The following PLXNA4 variants were observed in gnomAD, a reference collection of about 807,000 sequenced individuals.
PLXNA4 encodes the protein plexin-A4.
PLXNA4 carries 44 observed loss-of-function variants against 191.8 expected under a neutral mutation model. The observed-to-expected ratio is 0.23, with a 90% CI of 0.18 to 0.29. The LOEUF is 0.29. PLXNA4 is among the 10% of genes least tolerant of loss of function. The pLI, the probability that PLXNA4 is intolerant of heterozygous loss-of-function variation, is 1.00. For synonymous variants in PLXNA4, 1,082 were observed against 1,009.5 expected, an observed-to-expected ratio of 1.07 and a Z score of -1.36; for missense variants, 1,800 against 2,488.8, an observed-to-expected ratio of 0.72 and a Z score of 5.89.
chr7:132,480,081 G>T (rs1370408337), intron 3 of PLXNA4, among the ~76,000 whole-genome samples: 1 of 152,170 alleles, frequency 6.6e-6, no homozygotes, highest in Non-Finnish European at 1.5e-5. Flanking sequence ...TAAAGAAATA[G>T]CAAAGCCAAC....
intron 3 of PLXNA4, among the ~76,000 whole-genome samples, chr7:132,399,899 C>T (rs199729561): frequency 6.6e-6 from 1 of 151,986 alleles, no homozygotes; most frequent in African/African-American, 2.4e-5. Context: ...TTGACAAATG[C>T]CTTCACCTGT....
intron 1 of PLXNA4, among the ~76,000 whole-genome samples, chr7:132,561,476 T>C (rs1190738532): frequency 1.7e-5 from 2 of 117,074 alleles, no homozygotes; most frequent in African/African-American, 3.4e-5. Flanking sequence ...TCCTCCTCCT[T>C]CTTCTCCTCC....
chr7:132,571,460 G>A (rs755379415), intron 1 of PLXNA4, among the ~76,000 whole-genome samples: 5 of 152,106 alleles, frequency 3.3e-5, no homozygotes, highest in Non-Finnish European at 5.9e-5. Flanking sequence ...ATGTCCCTAG[G>A]CACTGATTTC....
At chr7:132,587,250 G>A (rs1173926000) in intron 2 of PLXNA4, among the ~76,000 whole-genome samples, 2 of 152,308 alleles carry the variant, frequency 1.3e-5, no homozygotes, top group East Asian at 1.9e-4. Flanking sequence ...GAACATAACA[G>A]CTTCAAATAT....
rs755712537 is a variant in PLXNA4 at position 132,194,095 on chromosome 7, G to A, written c.2823C>T (p.Phe941=). The A allele has an allele frequency of 6.2e-7, 1 of 1,614,068 alleles. No homozygotes were observed. ...EICVAVCRPE[F]MARSSQLYYF... is the part of the protein sequence containing the mutation. ...AATAGAGCTGTGAGGACCGGGCCAT[G>A]AATTCAGGCCGACACACAGCCACGC... is the stretch of plus-strand genomic sequence containing the variant. The change falls in exon 14 of 32, where the codon TTC becomes TTT. Residue 941 remains phenylalanine (F), a synonymous_variant. Transcript: ENST00000321063.
chr7:132,418,835 A>G (rs1394633369), intron 3 of PLXNA4, among the ~76,000 whole-genome samples: 1 of 152,220 alleles, frequency 6.6e-6, no homozygotes, highest in Non-Finnish European at 1.5e-5. Context: ...CCCATCCTCT[A>G]CAGATTCTTC....
intron 2 of PLXNA4, among the ~76,000 whole-genome samples, chr7:132,638,302 T>C (rs900847849): frequency 1.3e-5 from 2 of 152,204 alleles, no homozygotes; most frequent in Non-Finnish European, 2.9e-5. Context: ...ATAGCGGGTT[T>C]AGGCCTAGGA....
chr7:132,627,608 G>A (rs151138517), intron 2 of PLXNA4, among the ~76,000 whole-genome samples: 240 of 152,294 alleles, frequency 1.6e-3, no homozygotes, highest in African/African-American at 5.5e-3. Flanking sequence ...TAGGTCACGA[G>A]GGCTCCACAC....
intron 1 of PLXNA4, among the ~76,000 whole-genome samples, chr7:132,537,622 C>T (rs1400549872): frequency 6.6e-6 from 1 of 152,146 alleles, no homozygotes; most frequent in Non-Finnish European, 1.5e-5. Flanking sequence ...TGACCAGACC[C>T]GGAAGAGGGT....
chr7:132,285,940 C>A (rs115167525), intron 4 of PLXNA4, among the ~76,000 whole-genome samples: 5,510 of 151,944 alleles, frequency 0.036, 115 homozygotes, highest in African/African-American at 0.048. Flanking sequence ...CCCCCACCCA[C>A]AAATGAGGAT....
At chr7:132,503,820 C>G (rs540039056) in intron 2 of PLXNA4, among the ~76,000 whole-genome samples, 3 of 152,328 alleles carry the variant, frequency 2.0e-5, no homozygotes, top group African/African-American at 7.2e-5. Flanking sequence ...TAGGACCCCC[C>G]CTCATACCCA....
At chr7:132,366,733 G>A (rs1804202390) in intron 3 of PLXNA4, among the ~76,000 whole-genome samples, 2 of 152,204 alleles carry the variant, frequency 1.3e-5, no homozygotes, top group Non-Finnish European at 2.9e-5. Context: ...GTTGGAATAT[G>A]ATGATGAGAG....
chr7:132,600,023 A>G (rs918946449), intron 2 of PLXNA4, among the ~76,000 whole-genome samples: 1 of 152,218 alleles, frequency 6.6e-6, no homozygotes, highest in Non-Finnish European at 1.5e-5. Flanking sequence ...CTCACTTGGA[A>G]TAAATCCTAC....
chr7:132,417,539 A>T, intron 3 of PLXNA4, among the ~76,000 whole-genome samples: 1 of 152,200 alleles, frequency 6.6e-6, no homozygotes, highest in East Asian at 1.9e-4. Context: ...CAGAGATTTT[A>T]TTTCTGTATC....
chr7:132,297,697 T>C (rs766979099), intron 4 of PLXNA4, among the ~76,000 whole-genome samples: 1 of 152,162 alleles, frequency 6.6e-6, no homozygotes, highest in Non-Finnish European at 1.5e-5. Flanking sequence ...TGGCAATAAA[T>C]TCTTGATCCC....
intron 2 of PLXNA4, among the ~76,000 whole-genome samples, chr7:132,605,195 A>G (rs1454923556): frequency 6.6e-6 from 1 of 152,216 alleles, no homozygotes; most frequent in Non-Finnish European, 1.5e-5. Context: ...ATTTTATTCA[A>G]GGTCACACAG....
chr7:132,250,893 T>C (rs1467014892), intron 4 of PLXNA4, among the ~76,000 whole-genome samples: 2 of 152,078 alleles, frequency 1.3e-5, no homozygotes, highest in Non-Finnish European at 2.9e-5. Context: ...GCCAAAATGC[T>C]CATTCTTGAC....
chr7:132,343,919 AAAATAAGT>A (rs1475251524), intron 3 of PLXNA4, among the ~76,000 whole-genome samples: 1 of 152,228 alleles, frequency 6.6e-6, no homozygotes, highest in East Asian at 1.9e-4. Flanking sequence ...TGTCTCAAAA[AAAATAAGT>A]AAATAATTAA....
chr7:132,182,806 T>C (rs957950496), intron 16 of PLXNA4, among the ~76,000 whole-genome samples: 8 of 152,142 alleles, frequency 5.3e-5, no homozygotes, highest in Non-Finnish European at 1.0e-4. Flanking sequence ...ACAGGACCAC[T>C]GACAGGGAGG....
Sources: gnomAD v4.1 joint callset for allele counts (sites outside exome capture counted in the v4.1 genomes callset) on GRCh38, gnomAD v4.1.1 for gene constraint, MANE v1.5 for transcripts, NCBI Gene and HGNC (gene_info 2026-07-23, HGNC 2026-07-21) for gene names.